HADHA: variants seen among roughly 807,000 people sequenced by gnomAD.
The protein encoded by HADHA is hydroxyacyl-CoA dehydrogenase trifunctional multienzyme complex subunit alpha.
HADHA carries 59 observed loss-of-function variants against 91.3 expected under a neutral mutation model. The ratio of observed to expected loss-of-function variants is 0.65; its 90% CI spans 0.52 to 0.80. The LOEUF is 0.80. Ranked by LOEUF, HADHA falls within the 30% of genes least tolerant of loss-of-function variation. HADHA has a pLI of 0.00. For synonymous variants in HADHA, 320 were observed against 338.9 expected, an observed-to-expected ratio of 0.94 and a Z score of 0.61; for missense variants, 800 against 927.6, an observed-to-expected ratio of 0.86 and a Z score of 1.79.
chr2:26,197,582 C>A (rs867343274), intron 14 of HADHA, 109 bp downstream of exon 14: 2 of 745,556 alleles, frequency 2.7e-6, no homozygotes, highest in African/African-American at 1.7e-5. Flanking sequence ...TAGGAACCAC[C>A]CGCATCCACT....
Position 26,197,769 on chromosome 2 carries a change from T to A in HADHA, c.1401A>T (p.Pro467=). The part of the protein sequence containing the change: ...RVLKEVEAVI[P]DHCIFASNTS... ...TGTTACTGGCAAAGATACAGTGATC[T>A]GGAATCACCTGCAGGGGAAAAGCAT... The change falls in exon 14 of 20, where the codon CCA becomes CCT. Residue 467 remains proline, a synonymous_variant. Transcript: ENST00000380649. 6.7e-7 allele frequency: 1 copy of A among 1,482,046 alleles called. No individual in the cohort carries two copies. The highest frequency in any genetic ancestry group is 9.4e-7 in the Non-Finnish European group (1 of 1,059,178). 91.8% of individuals were successfully genotyped at this position (1,482,046 alleles called of 1,614,324 possible). A position where few individuals can be genotyped will look rare whatever the true frequency, so the allele number is the denominator to read the frequency against.
intron 10 of HADHA, chr2:26,212,368 T>C (rs1413825343): frequency 1.7e-6 from 1 of 587,466 alleles, no homozygotes; most frequent in African/African-American, 1.9e-5. Context: ...ATTACAGGGG[T>C]AAACCACCAC....
At chr2:26,236,380 CTGTGTGTGTGTGTGTGTG>C (rs201544302) in intron 4 of HADHA, among the ~76,000 whole-genome samples, 1 of 111,086 alleles carries the variant, frequency 9.0e-6, no homozygotes, top group Non-Finnish European at 1.8e-5. Flanking sequence ...TATATATACT[CTGTGTGTGTGTGTGTGTG>C]TGTGTGTGTG....
chr2:26,213,672 CTCCTCTG>C (rs1296596257), intron 9 of HADHA, among the ~76,000 whole-genome samples: 1 of 152,150 alleles, frequency 6.6e-6, no homozygotes, highest in African/African-American at 2.4e-5. Flanking sequence ...TAATTGTTGC[CTCCTCTG>C]TCCCACTCAT....
intron 1 of HADHA, among the ~76,000 whole-genome samples, chr2:26,243,483 T>A (rs1180365528): frequency 6.6e-6 from 1 of 151,862 alleles, no homozygotes; most frequent in East Asian, 1.9e-4. Context: ...GGCAAATACA[T>A]GCTACAGTTT....
intron 7 of HADHA, among the ~76,000 whole-genome samples, chr2:26,215,382 C>G (rs145716380): frequency 6.6e-6 from 1 of 152,114 alleles, no homozygotes; most frequent in African/African-American, 2.4e-5. Flanking sequence ...AGGTAGAAAA[C>G]GCGGTCTTTA....
chr2:26,193,543 A>C, intron 17 of HADHA, 34 bp downstream of exon 17: 1 of 1,523,732 alleles, frequency 6.6e-7, no homozygotes, highest in Admixed American at 1.7e-5. Flanking sequence ...TTTGTAACTA[A>C]TGGTGCTAGT....
Position 26,190,956 on chromosome 2 carries a change from G to A in HADHA, c.*294C>T, listed in dbSNP as rs1248454184. 4 of 523,546 alleles carry A rather than the reference G, an allele frequency of 7.6e-6. No homozygotes were observed. In the Admixed American group the frequency reaches 9.5e-5, roughly 12 times the overall value. The allele number at this position is 523,546 out of a possible 1,614,324, so 32.4% of individuals were successfully genotyped here. A position where few individuals can be genotyped will look rare whatever the true frequency, so the allele number is the denominator to read the frequency against. ...ACCCCTGGCCACCCTGGCCTCTTGG[G>A]AGGAACAGGCAGAGAGGTGGCTTCA... On this transcript the variant is annotated 3_prime_UTR_variant, in exon 20 of 20. Transcript: ENST00000380649.
intron 10 of HADHA, among the ~76,000 whole-genome samples, chr2:26,211,106 T>C (rs1670089519): frequency 6.6e-6 from 1 of 152,198 alleles, no homozygotes; most frequent in African/African-American, 2.4e-5. Context: ...GATTCATCAA[T>C]GGTCAGAAAT....
At chr2:26,192,504 T>G in intron 17 of HADHA, 80 bp from the exon 18 acceptor site, 5 of 822,296 alleles carry the variant, frequency 6.1e-6, no homozygotes, top group Non-Finnish European at 1.1e-5. Flanking sequence ...AACCCTGGCC[T>G]GGCCAGGCGT....
rs1031026771 is a variant in HADHA at position 26,192,497 on chromosome 2, C to T, written c.1886-73G>A. On this transcript the variant is annotated intron_variant, in intron 17 of 19. Coordinates refer to ENST00000380649, the MANE Select transcript of HADHA (RefSeq NM_000182.5). ...GAGTGTTACTATTTGTTCTCAGAAC[C>T]CTGGCCTGGCCAGGCGTGGTGGCTC... 21 of 889,658 alleles carry T rather than the reference C, an allele frequency of 2.4e-5. No individual in the cohort carries two copies. In the South Asian group the frequency reaches 2.6e-4, roughly 11 times the overall value. The allele number at this position is 889,658 out of a possible 1,614,324, so 55.1% of individuals were successfully genotyped here.
intron 4 of HADHA, among the ~76,000 whole-genome samples, chr2:26,236,371 A>ATC (rs1432754267): frequency 7.0e-6 from 1 of 142,268 alleles, no homozygotes; most frequent in Non-Finnish European, 1.5e-5. Context: ...ATATATATAT[A>ATC]TATATACTCT....
At position 26,214,990 on chromosome 2, in the gene HADHA, A is replaced by G; in HGVS notation, c.799+63T>C. 3 of 1,418,062 alleles carry G rather than the reference A, an allele frequency of 2.1e-6. No homozygotes were observed. Among genetic ancestry groups the G allele is most frequent in the Non-Finnish European group, 3.0e-6 (3 of 1,004,000 alleles). 87.8% of individuals were successfully genotyped at this position (1,418,062 alleles called of 1,614,324 possible). A position where few individuals can be genotyped will look rare whatever the true frequency, so the allele number is the denominator to read the frequency against. ...TACCACTTCCTCATTTTGAATCTAC[A>G]GCAAATAAAATTAAATTCTCAGGAA... On this transcript the variant is annotated intron_variant, in intron 8 of 19. Transcript: ENST00000380649. The surrounding 1 kb of genome is among the most constrained non-coding windows in gnomAD (Gnocchi z 4.1).
intron 7 of HADHA, among the ~76,000 whole-genome samples, chr2:26,227,726 T>C (rs558870637): frequency 6.6e-6 from 1 of 152,186 alleles, no homozygotes; most frequent in African/African-American, 2.4e-5. Context: ...TCCCGGCTTC[T>C]TGGGAGGCTG....
At chr2:26,233,589 C>T (rs964220607) in intron 5 of HADHA, among the ~76,000 whole-genome samples, 9 of 152,166 alleles carry the variant, frequency 5.9e-5, no homozygotes, top group African/African-American at 1.7e-4. Flanking sequence ...TGTGTCTCAA[C>T]CAGACTTAAG....
chr2:26,203,223 T>G (rs1219535439), intron 12 of HADHA, among the ~76,000 whole-genome samples: 3 of 152,212 alleles, frequency 2.0e-5, no homozygotes, highest in African/African-American at 7.2e-5. Flanking sequence ...TATGTGAGCT[T>G]CTCTGCAGAA....
rs549268851 is a variant in HADHA at position 26,241,664 on chromosome 2, G to A, written c.68-2521C>T. On this transcript the variant is annotated intron_variant, in intron 1 of 19. Transcript: ENST00000380649. ...AGACTCCGTCTCCAAAAAAAAAACCGAAAAAACAAACAAACAAAAAAACCA... is the reference window on the plus strand; with the variant it reads ...AGACTCCGTCTCCAAAAAAAAAACCAAAAAAACAAACAAACAAAAAAACCA... Among the ~76,000 whole-genome samples, 9 of 151,336 alleles carry A rather than the reference G, an allele frequency of 5.9e-5. No individual in the cohort carries two copies. In the South Asian group the frequency reaches 1.3e-3, roughly 21 times the overall value.
At chr2:26,220,306 C>T (rs1670344770) in intron 7 of HADHA, among the ~76,000 whole-genome samples, 1 of 152,164 alleles carries the variant, frequency 6.6e-6, no homozygotes, top group Non-Finnish European at 1.5e-5. Context: ...TGAGTAATAT[C>T]ACTATATGCT....
chr2:26,191,489 G>A lies in HADHA; in HGVS notation c.2140C>T (p.Leu714=). ...CCCAACCTGCGAGACCAACCTCCCA[G>A]ACAAGGCGGGAAGCCAAGCCCAAAG... ...AVFGLGFPPC[L]GGPFRFVDLY... is the part of the protein sequence containing the mutation. Residue 714 remains leucine, a synonymous_variant, in exon 19 of 20, where the codon CTG becomes TTG. Coordinates refer to ENST00000380649, the MANE Select transcript of HADHA (RefSeq NM_000182.5). 6.2e-7 allele frequency: 1 copy of A among 1,614,174 alleles called. No individual in the cohort carries two copies. Among genetic ancestry groups the A allele is most frequent in the Non-Finnish European group, 8.5e-7 (1 of 1,180,018 alleles).
Sources: allele counts gnomAD v4.1 joint callset (sites outside exome capture counted in the v4.1 genomes callset), GRCh38; gene constraint gnomAD v4.1.1; non-coding constraint Gnocchi (gnomAD v3.1); transcripts MANE v1.5; gene names NCBI Gene and HGNC (gene_info 2026-07-23, HGNC 2026-07-21).